Variants in ACSL1 observed in about 807,000 individuals in gnomAD.
ACSL1 encodes long-chain-fatty-acid--CoA ligase 1.
ACSL1 carries 41 observed loss-of-function variants against 98.4 expected under a neutral mutation model. That is an observed-to-expected ratio of 0.42 (90% CI 0.32 to 0.54). The LOEUF is 0.54. Ranked by LOEUF, ACSL1 falls within the 20% of genes least tolerant of loss-of-function variation. The pLI, the probability that ACSL1 is intolerant of heterozygous loss-of-function variation, is 0.13. For synonymous variants in ACSL1, 316 were observed against 322.7 expected, an observed-to-expected ratio of 0.98 and a Z score of 0.22; for missense variants, 734 against 883.1, an observed-to-expected ratio of 0.83 and a Z score of 2.14.
At chr4:184,771,021 G>A (rs1286852154) in intron 10 of ACSL1, among the ~76,000 whole-genome samples, 1 of 152,152 alleles carries the variant, frequency 6.6e-6, no homozygotes. Context: ...CTACTCAGGA[G>A]GCTGAGGCAG....
chr4:184,820,846 G>A (rs1773014876), intron 1 of ACSL1, among the ~76,000 whole-genome samples: 1 of 152,130 alleles, frequency 6.6e-6, no homozygotes, highest in African/African-American at 2.4e-5. Context: ...CTCCCAAAAT[G>A]CTGGGATTAC....
intron 4 of ACSL1, among the ~76,000 whole-genome samples, chr4:184,782,567 C>G (rs1330272575): frequency 1.3e-5 from 2 of 152,200 alleles, no homozygotes; most frequent in Non-Finnish European, 2.9e-5. Flanking sequence ...GACCATCACA[C>G]ACAACACACA....
At chr4:184,787,928 G>T (rs1056964465) in intron 3 of ACSL1, among the ~76,000 whole-genome samples, 8 of 152,182 alleles carry the variant, frequency 5.3e-5, no homozygotes, top group African/African-American at 1.9e-4. Context: ...AGTGCTTTGG[G>T]AGGCTGAGGC....
intron 10 of ACSL1, among the ~76,000 whole-genome samples, chr4:184,771,034 G>A (rs1271306284): frequency 6.6e-6 from 1 of 152,124 alleles, no homozygotes; most frequent in Non-Finnish European, 1.5e-5. Flanking sequence ...TGAGGCAGCA[G>A]AATTGCTTGA....
chr4:184,764,819 C>T lies in ACSL1; in HGVS notation c.1432+34G>A, dbSNP rs759419555. 1.4e-5 allele frequency: 23 copies of T among 1,588,434 alleles called. No individual in the cohort carries two copies. The East Asian group carries it at 1.6e-4, about 11-fold the overall frequency. On this transcript the variant is annotated intron_variant, in intron 15 of 20. Transcript: ENST00000281455. ...CATACCAATAACCCAGTATGAATAA[C>T]AAAATTCCAAAAAGGAGCCTCCTAC... is the stretch of plus-strand genomic sequence containing the variant.
At chr4:184,814,959 G>C (rs2280297) in intron 1 of ACSL1, 246,307 of 453,624 alleles carry the variant, frequency 0.54, 69,163 homozygotes, top group Admixed American at 0.59. Context: ...ACTCTCCTTA[G>C]TTCCTGACAA....
chr4:184,814,285 C>T (rs369450822), intron 1 of ACSL1, among the ~76,000 whole-genome samples: 84 of 116,742 alleles, frequency 7.2e-4, no homozygotes, highest in African/African-American at 2.4e-3. Context: ...AGCGAGACTC[C>T]GCCTCAAAAA....
At chr4:184,770,202 G>A (rs529626598) in intron 11 of ACSL1, 197 bp downstream of exon 11, 233 of 1,442,740 alleles carry the variant, frequency 1.6e-4, no homozygotes, top group African/African-American at 7.1e-4. Context: ...TTTCTAAAAC[G>A]GGGCTGAGCA....
chr4:184,804,992 T>G (rs1481638948), intron 1 of ACSL1, among the ~76,000 whole-genome samples: 2 of 152,012 alleles, frequency 1.3e-5, no homozygotes, highest in African/African-American at 4.8e-5. Context: ...GGGAGAAAAT[T>G]TTTGCAATCT....
chr4:184,791,372 A>C (rs1376220141), intron 2 of ACSL1, among the ~76,000 whole-genome samples: 1 of 152,230 alleles, frequency 6.6e-6, no homozygotes, highest in East Asian at 1.9e-4. Context: ...CAGGATGAAC[A>C]GACAGAAGCA....
intron 3 of ACSL1, 49 bp downstream of exon 3, chr4:184,788,568 T>G: frequency 6.8e-7 from 1 of 1,461,258 alleles, no homozygotes; most frequent in East Asian, 2.3e-5. Flanking sequence ...CACTCGTTCT[T>G]CATGAAACAC....
In ACSL1 at chr4:184,756,786, C is replaced by T. The variant is rs779698225; in HGVS notation, c.*339G>A. On this transcript the variant is annotated 3_prime_UTR_variant, in exon 21 of 21. Coordinates refer to ENST00000281455, the MANE Select transcript of ACSL1 (RefSeq NM_001995.5). ...ATCTCAGAGATAGCAAAGTCCTAACCCCTTGATTAGAGAAACAGGGAGACA... is the reference window on the plus strand; with the variant it reads ...ATCTCAGAGATAGCAAAGTCCTAACTCCTTGATTAGAGAAACAGGGAGACA... 1 of 189,606 alleles carries T rather than the reference C, an allele frequency of 5.3e-6. No individual in the cohort carries two copies. Among genetic ancestry groups the T allele is most frequent in the Non-Finnish European group, 1.1e-5 (1 of 90,260 alleles). 11.7% of individuals were successfully genotyped at this position (189,606 alleles called of 1,614,324 possible).
chr4:184,797,967 C>G (rs1438645110), intron 2 of ACSL1, among the ~76,000 whole-genome samples: 1 of 152,220 alleles, frequency 6.6e-6, no homozygotes, highest in Non-Finnish European at 1.5e-5. Context: ...AATGCTAAAG[C>G]AAGTCGCTAA....
At chr4:184,782,989 T>C (rs1201874083) in intron 4 of ACSL1, among the ~76,000 whole-genome samples, 1 of 152,118 alleles carries the variant, frequency 6.6e-6, no homozygotes, top group African/African-American at 2.4e-5. Context: ...GGAAGTGCAT[T>C]TGTATTCATG....
chr4:184,802,110 G>C (rs1485525348), intron 2 of ACSL1, among the ~76,000 whole-genome samples: 1 of 152,132 alleles, frequency 6.6e-6, no homozygotes, highest in Non-Finnish European at 1.5e-5. Context: ...GAAATATTAA[G>C]GTACCCTGAC....
At chr4:184,777,372 T>G (rs1020665898) in intron 5 of ACSL1, among the ~76,000 whole-genome samples, 7 of 151,826 alleles carry the variant, frequency 4.6e-5, no homozygotes, top group Admixed American at 1.3e-4. Flanking sequence ...GCGGGAGGAT[T>G]GCTTGAACCC....
intron 2 of ACSL1, among the ~76,000 whole-genome samples, chr4:184,799,637 C>A (rs1224184239): frequency 6.6e-6 from 1 of 152,108 alleles, no homozygotes. Flanking sequence ...TGTTTGAGCC[C>A]AGGAGTTTGA....
intron 1 of ACSL1, among the ~76,000 whole-genome samples, chr4:184,809,475 A>G (rs536057509): frequency 6.6e-6 from 1 of 152,312 alleles, no homozygotes; most frequent in Admixed American, 6.5e-5. Context: ...GAACTAAATT[A>G]CTTTAGAAAT....
At chr4:184,785,688 A>G (rs942622321) in intron 3 of ACSL1, among the ~76,000 whole-genome samples, 1 of 147,244 alleles carries the variant, frequency 6.8e-6, no homozygotes, top group East Asian at 2.0e-4. Context: ...GACTGGACAT[A>G]CTTTCCTTCA....
Sources: allele counts gnomAD v4.1 joint callset (sites outside exome capture counted in the v4.1 genomes callset), GRCh38; gene constraint gnomAD v4.1.1; transcripts MANE v1.5; gene names NCBI Gene and HGNC (gene_info 2026-07-23, HGNC 2026-07-21).